VPS13D: variants seen among roughly 807,000 people sequenced by gnomAD.
The protein encoded by VPS13D is intermembrane lipid transfer protein VPS13D.
Under a neutral mutation model 461.9 loss-of-function variants are expected in VPS13D, and 187 were observed. The ratio of observed to expected loss-of-function variants is 0.40; its 90% CI spans 0.36 to 0.46. VPS13D has a LOEUF of 0.46. VPS13D is among the 20% of genes least tolerant of loss of function. VPS13D has a pLI of 0.60. For missense variants in VPS13D, 4,711 were observed against 5,364.9 expected (o/e 0.88, Z 3.81); for synonymous variants, 1,951 against 1,986.3 (o/e 0.98, Z 0.47).
intron 46 of VPS13D, among the ~76,000 whole-genome samples, chr1:12,353,481 C>G (rs1423532128): frequency 7.0e-6 from 1 of 142,192 alleles, no homozygotes; most frequent in Non-Finnish European, 1.5e-5. Flanking sequence ...TGCAGTGAGC[C>G]GAGACCGCTC....
rs990687202 is a variant in VPS13D, at chr1:12,511,736, C to G, written c.*2712C>G. On this transcript the variant is annotated 3_prime_UTR_variant, in exon 70 of 70. Transcript: ENST00000620676. This position sits in a 1 kb window ranked among gnomAD's most constrained non-coding sequence, Gnocchi z 4.5. ...AAGGGTGAGCCAGGCCAGTGCTTCC[C>G]CAGCCCCTGGGCCTGGTCACTACAC... 2.0e-5 allele frequency: 3 copies of G among 152,156 alleles called. No homozygotes were observed. The highest frequency in any genetic ancestry group is 7.2e-5 in the African/African-American group (3 of 41,428). 9.4% of individuals were successfully genotyped at this position (152,156 alleles called of 1,614,324 possible).
chr1:12,242,702 C>A, intron 3 of VPS13D, 112 bp downstream of exon 3: 1 of 889,956 alleles, frequency 1.1e-6, no homozygotes, highest in Non-Finnish European at 1.8e-6. Flanking sequence ...AAGGATATAG[C>A]AAATGTTAGA....
chr1:12,494,484 C>A (rs570910578), intron 67 of VPS13D, among the ~76,000 whole-genome samples: 1 of 152,150 alleles, frequency 6.6e-6, no homozygotes, highest in African/African-American at 2.4e-5. Flanking sequence ...GCCCTTTACT[C>A]CCATTCTCAA....
intron 52 of VPS13D, among the ~76,000 whole-genome samples, chr1:12,367,239 C>T (rs150155258): frequency 1.3e-5 from 2 of 152,264 alleles, no homozygotes; most frequent in South Asian, 2.1e-4. Flanking sequence ...CAGTGATTTC[C>T]TGTCTGTAGA....
intron 6 of VPS13D, among the ~76,000 whole-genome samples, chr1:12,251,232 C>G (rs1431252252): frequency 6.6e-6 from 1 of 152,252 alleles, no homozygotes; most frequent in East Asian, 1.9e-4. Flanking sequence ...GCTCCTCACC[C>G]TGTGCTCCTG....
intron 67 of VPS13D, among the ~76,000 whole-genome samples, chr1:12,465,790 C>G (rs1000396807): frequency 6.6e-6 from 1 of 152,142 alleles, no homozygotes; most frequent in South Asian, 2.1e-4. Flanking sequence ...AGGACTAAGA[C>G]TCTTTTGGGT....
At chr1:12,406,493 G>C (rs1464350470) in intron 63 of VPS13D, among the ~76,000 whole-genome samples, 2 of 152,186 alleles carry the variant, frequency 1.3e-5, no homozygotes, top group East Asian at 3.8e-4. Flanking sequence ...AAGTGAGACT[G>C]TCAGAAATCT....
At position 12,382,882 on chromosome 1, in the gene VPS13D, T is replaced by C. The variant is rs950206965; in HGVS notation, c.11191-94T>C. 3.4e-6 allele frequency: 4 copies of C among 1,184,722 alleles called. No homozygotes were observed. The African/African-American group carries it at 6.1e-5, about 18-fold the overall frequency. 73.4% of individuals were successfully genotyped at this position (1,184,722 alleles called of 1,614,324 possible). A position where few individuals can be genotyped will look rare whatever the true frequency, so the allele number is the denominator to read the frequency against. On this transcript the variant is annotated intron_variant, in intron 57 of 69. Transcript: ENST00000620676. ...TTGATCATGACCCTCCAGAGGAGAA[T>C]GTAAATTTAGGAACTTGTTTGAAAT...
chr1:12,449,869 A>C lies in VPS13D; in HGVS notation c.12334-6129A>C, dbSNP rs1645239413. On this transcript the variant is annotated intron_variant, in intron 65 of 69. Coordinates refer to ENST00000620676, the MANE Select transcript of VPS13D (RefSeq NM_015378.4). ...GCCAGGCTCGGTGGCTTATGCCTGT[A>C]ATCCTAGCACCTCGTGGGGCCGAGG... 3.3e-5 allele frequency among the ~76,000 whole-genome samples: 5 copies of C among 152,252 alleles called. No individual in the cohort carries two copies. The South Asian group carries it at 1.0e-3, about 32-fold the overall frequency.
At chr1:12,452,432 G>A (rs1645274591) in intron 65 of VPS13D, among the ~76,000 whole-genome samples, 2 of 152,214 alleles carry the variant, frequency 1.3e-5, no homozygotes, top group South Asian at 4.1e-4. Context: ...GTGCTTCCAA[G>A]CTTCAGAGAA....
chr1:12,313,258 C>A (rs540707594), intron 29 of VPS13D, among the ~76,000 whole-genome samples: 1 of 151,318 alleles, frequency 6.6e-6, no homozygotes, highest in African/African-American at 2.4e-5. Flanking sequence ...AAACTGTGGT[C>A]CCACATTGGT....
intron 17 of VPS13D, 67 bp downstream of exon 17, chr1:12,271,191 A>C: frequency 6.3e-7 from 1 of 1,599,458 alleles, no homozygotes; most frequent in Non-Finnish European, 8.6e-7. Context: ...CCGTCAAGTC[A>C]CTACTTACTG....
chr1:12,495,196 C>G lies in VPS13D; in HGVS notation c.12663-2304C>G, dbSNP rs1416804033. Among the ~76,000 whole-genome samples, 2 of 149,214 alleles carry G rather than the reference C, an allele frequency of 1.3e-5. No homozygotes were observed. Among genetic ancestry groups the G allele is most frequent in the Non-Finnish European group, 3.0e-5 (2 of 67,740 alleles). On this transcript the variant is annotated intron_variant, in intron 67 of 69. Transcript: ENST00000620676. This position sits in a 1 kb window ranked among gnomAD's most constrained non-coding sequence, Gnocchi z 4.0. ...ACAGAGTCTTGCTCTGTCGCCCAGG[C>G]TGGAGTGCAGTGGCAGGATCTCGGC...
At chr1:12,237,326 CAAA>C (rs60266660) in intron 2 of VPS13D, among the ~76,000 whole-genome samples, 7 of 100,896 alleles carry the variant, frequency 6.9e-5, no homozygotes, top group Admixed American at 1.9e-4. Context: ...CCCTTTTCTA[CAAA>C]AAAAAAAAAA....
chr1:12,369,712 G>T lies in VPS13D; in HGVS notation c.10808+10G>T, dbSNP rs377739223. 5.0e-6 allele frequency: 8 copies of T among 1,609,782 alleles called. No homozygotes were observed. The highest frequency in any genetic ancestry group is 1.1e-5 in the South Asian group (1 of 90,796). ...CATATACATTCTCTGGGTAATTCTTGATTAAATTACTGTTCCTATAAAGCA... is the reference window on the plus strand; with the variant it reads ...CATATACATTCTCTGGGTAATTCTTTATTAAATTACTGTTCCTATAAAGCA... On this transcript the variant is annotated intron_variant, in intron 54 of 69. Coordinates refer to ENST00000620676, the MANE Select transcript of VPS13D (RefSeq NM_015378.4).
chr1:12,308,114 T>G (rs1642618853), intron 26 of VPS13D, among the ~76,000 whole-genome samples: 1 of 152,158 alleles, frequency 6.6e-6, no homozygotes, highest in Non-Finnish European at 1.5e-5. Flanking sequence ...GGAGTCAGAT[T>G]TCGTCATCAA....
chr1:12,374,037 A>G (rs1644162840), intron 55 of VPS13D, among the ~76,000 whole-genome samples, 179 bp downstream of exon 55: 1 of 152,200 alleles, frequency 6.6e-6, no homozygotes, highest in Non-Finnish European at 1.5e-5. Flanking sequence ...CAGGAGTAAG[A>G]TGACTTCTGG....
At chr1:12,283,763 T>G (rs779071503) in intron 21 of VPS13D, 27 bp downstream of exon 21, 1 of 1,572,756 alleles carries the variant, frequency 6.4e-7, no homozygotes, top group Non-Finnish European at 8.6e-7. Context: ...TTGGCTCCCT[T>G]AAGCTCTAAA....
Position 12,307,521 on chromosome 1 carries a change from G to A in VPS13D, c.6440-910G>A, listed in dbSNP as rs555424094. Among the ~76,000 whole-genome samples, 45 of 152,228 alleles carry A rather than the reference G, an allele frequency of 3.0e-4. No individual in the cohort carries two copies. The South Asian group carries it at 6.4e-3, about 22-fold the overall frequency. On this transcript the variant is annotated intron_variant, in intron 26 of 69. Coordinates refer to ENST00000620676, the MANE Select transcript of VPS13D (RefSeq NM_015378.4). ...TTTGTTTCTTTTTTGTTTTGAGATG[G>A]AGTCTTGTTCTGCCCAGGCTGGAGT...
Sources: allele counts gnomAD v4.1 joint callset (sites outside exome capture counted in the v4.1 genomes callset), GRCh38; gene constraint gnomAD v4.1.1; non-coding constraint Gnocchi (gnomAD v3.1); transcripts MANE v1.5; gene names NCBI Gene and HGNC (gene_info 2026-07-23, HGNC 2026-07-21).